The following SPATA6L variants were observed in gnomAD, a reference collection of about 807,000 sequenced individuals.
SPATA6L encodes the protein spermatogenesis associated 6 like.
SPATA6L carries 68 observed loss-of-function variants against 49.2 expected under a neutral mutation model. The observed-to-expected ratio is 1.38, with a 90% confidence interval of 1.14 to 1.69. The LOEUF is 1.69. Among genes scored for constraint, SPATA6L ranks in the 40% most tolerant of loss-of-function variants. The pLI is 0.00. For synonymous variants in SPATA6L, 198 were observed against 165.7 expected, an observed-to-expected ratio of 1.19 and a Z score of -1.50; for missense variants, 668 against 464.3, an observed-to-expected ratio of 1.44 and a Z score of -4.03.
chr9:4,607,655 G>A (rs1825634110), intron 9 of SPATA6L, among the ~76,000 whole-genome samples: 1 of 152,002 alleles, frequency 6.6e-6, no homozygotes, highest in Non-Finnish European at 1.5e-5. Flanking sequence ...CGCTAAACAT[G>A]GAAAGGAACA....
At chr9:4,650,820 C>G (rs1332233832) in intron 3 of SPATA6L, among the ~76,000 whole-genome samples, 1 of 147,346 alleles carries the variant, frequency 6.8e-6, no homozygotes, top group South Asian at 2.2e-4. Context: ...CCACCAAACC[C>G]AGCTTGTGTG....
At position 4,662,264 on chromosome 9, in the gene SPATA6L, C is replaced by T. The variant is rs900661133; in HGVS notation, c.40-228G>A. 2.1e-6 allele frequency: 3 copies of T among 1,433,892 alleles called. No individual in the cohort carries two copies. The highest frequency in any genetic ancestry group is 5.0e-5 in the East Asian group (2 of 39,772). The allele number at this position is 1,433,892 out of a possible 1,614,324, so 88.8% of individuals were successfully genotyped here. A position where few individuals can be genotyped will look rare whatever the true frequency, so the allele number is the denominator to read the frequency against. The stretch of plus-strand genomic sequence containing the variant: ...CCAGGTGTCACAATCGCGCTCTCGC[C>T]GGCTCCTCTCCCCGCCCCTCCGGGA... On this transcript the variant is annotated intron_variant, in intron 1 of 11. Transcript: ENST00000682582. The surrounding 1 kb of genome is among the most constrained non-coding windows in gnomAD (Gnocchi z 4.9).
In SPATA6L at chr9:4,600,400, G is replaced by C. The variant is rs932501242; in HGVS notation, c.*411C>G. The C allele has an allele frequency of 1.0e-4, 16 of 152,476 alleles. No individual in the cohort carries two copies. Among genetic ancestry groups the C allele is most frequent in the African/African-American group, 3.6e-4 (15 of 41,376 alleles). 9.4% of individuals were successfully genotyped at this position (152,476 alleles called of 1,614,324 possible). ...AAAGTCAGGTTGATAGTCTTTCCTG[G>C]AGGATTTATCAGGTTATTCCTGTGA... is the stretch of plus-strand genomic sequence containing the variant. On this transcript the variant is annotated 3_prime_UTR_variant, in exon 12 of 12. Coordinates refer to ENST00000682582, the MANE Select transcript of SPATA6L (RefSeq NM_001353486.2).
intron 6 of SPATA6L, 103 bp from the exon 7 acceptor site, chr9:4,622,613 G>C (rs2130419618): frequency 1.3e-6 from 1 of 786,540 alleles, no homozygotes; most frequent in East Asian, 2.6e-5. Context: ...TGATTACACG[G>C]GTTGGAAAAA....
downstream of SPATA6L, among the ~76,000 whole-genome samples, chr9:4,597,793 G>C (rs991549702): frequency 2.0e-5 from 3 of 152,140 alleles, no homozygotes; most frequent in Admixed American, 2.0e-4. Context: ...CCTAACCAGA[G>C]AAAGACAGCA....
intron 13 of SPATA6L, among the ~76,000 whole-genome samples, chr9:4,592,070 T>G (rs1821935630): frequency 6.6e-6 from 1 of 152,126 alleles, no homozygotes; most frequent in Non-Finnish European, 1.5e-5. Context: ...ATCCCAGCAC[T>G]TTGGGAGGCC....
At chr9:4,629,769 G>GTGTGTGTGTGTATATATATATATATA (rs1311805859) in intron 4 of SPATA6L, among the ~76,000 whole-genome samples, 13 of 101,936 alleles carry the variant, frequency 1.3e-4, no homozygotes, top group South Asian at 3.3e-4. Flanking sequence ...GTGTGTGTGT[G>GTGTGTGTGTGTATATATATATATATA]TATATATATA....
intron 4 of SPATA6L, among the ~76,000 whole-genome samples, chr9:4,632,865 T>G (rs192501379): frequency 1.2e-4 from 19 of 152,218 alleles, no homozygotes; most frequent in African/African-American, 4.6e-4. Flanking sequence ...AATCAGGACA[T>G]AACTAATATT....
Position 4,625,445 on chromosome 9 carries a change from G to T in SPATA6L, c.551C>A (p.Ala184Asp). 2 of 1,614,124 alleles carry T rather than the reference G, an allele frequency of 1.2e-6. No individual in the cohort carries two copies. Among genetic ancestry groups the T allele is most frequent in the Non-Finnish European group, 1.7e-6 (2 of 1,179,988 alleles). The change falls in exon 6 of 12, where the codon GCC (alanine) becomes GAC (aspartate). Residue 184 changes from alanine to aspartate, a missense_variant. Ala to Asp is a moderately radical substitution (Grantham distance 126). Coordinates refer to ENST00000682582, the MANE Select transcript of SPATA6L (RefSeq NM_001353486.2). ...NLNRLPKGMQ[A>D]RAPSQYSTRH... ...GGTAGAATATTGAGAGGGCGCCCGGGCTTGCATGCCTTTGGGCAGTCTGTT... is the reference window on the plus strand; with the variant it reads ...GGTAGAATATTGAGAGGGCGCCCGGTCTTGCATGCCTTTGGGCAGTCTGTT...
At chr9:4,661,433 T>G (rs1472702284) in intron 2 of SPATA6L, among the ~76,000 whole-genome samples, 2 of 151,564 alleles carry the variant, frequency 1.3e-5, no homozygotes, top group Admixed American at 6.6e-5. Context: ...AATCTAGGTA[T>G]GATCTGAGGA....
Position 4,617,937 on chromosome 9 carries a change from G to A in SPATA6L, c.981C>T (p.Pro327=). The change falls in exon 9 of 12, where the codon CCC becomes CCT. Residue 327 remains proline (P), a synonymous_variant. Transcript: ENST00000682582. ...HSTSPGPLDQ[P]LLRERFHPGS... ...TTGCCACTGACCTTTCTCTGAGAAG[G>A]GGCTGATCCAAGGGGCCAGGAGAGG... The A allele has an allele frequency of 6.2e-7, 1 of 1,612,476 alleles. No individual in the cohort carries two copies. Among genetic ancestry groups the A allele is most frequent in the East Asian group, 2.2e-5 (1 of 44,824 alleles).
At chr9:4,661,750 C>CCGACTGCGGTTTTGCTTCAAGGT (rs145569269) in intron 2 of SPATA6L, 149 bp downstream of exon 2, 2 of 940,084 alleles carry the variant, frequency 2.1e-6, no homozygotes, top group Non-Finnish European at 2.9e-6. Flanking sequence ...AGCAAGTGTT[C>CCGACTGCGGTTTTGCTTCAAGGT]CGACTGCGGT....
chr9:4,618,268 A>C (rs755289348), intron 8 of SPATA6L, among the ~76,000 whole-genome samples, 158 bp from the exon 9 acceptor site: 7 of 152,034 alleles, frequency 4.6e-5, no homozygotes, highest in Non-Finnish European at 7.4e-5. Context: ...GGAGAAGAGA[A>C]GACTAGTGAC....
chr9:4,613,180 A>G (rs1827171176), intron 9 of SPATA6L, among the ~76,000 whole-genome samples: 1 of 151,772 alleles, frequency 6.6e-6, no homozygotes, highest in African/African-American at 2.4e-5. Flanking sequence ...GTGAGCTGAG[A>G]TGGGGCCACT....
Position 4,656,103 on chromosome 9 carries a change from T to A in SPATA6L, c.178-14A>T. ...ACTTTCAAATACCTGCAGAGAAAAA[T>A]GGGGAAAATAAATTTTCAAAGTTGT... On this transcript the variant is annotated splice_polypyrimidine_tract_variant and intron_variant, in intron 2 of 11. Coordinates refer to ENST00000682582, the MANE Select transcript of SPATA6L (RefSeq NM_001353486.2). 1 of 1,609,206 alleles carries A rather than the reference T, an allele frequency of 6.2e-7. No homozygotes were observed.
chr9:4,613,214 C>T lies in SPATA6L; in HGVS notation c.995+4709G>A, dbSNP rs552911080. Reference sequence around the variant, plus strand: ...CTGTACTCCAGCCTGGGTAACATAGCAAGATTCTATCTCAAAAAAAAAAAA... The same window carrying T: ...CTGTACTCCAGCCTGGGTAACATAGTAAGATTCTATCTCAAAAAAAAAAAA... On this transcript the variant is annotated intron_variant, in intron 9 of 11. Coordinates refer to ENST00000682582, the MANE Select transcript of SPATA6L (RefSeq NM_001353486.2). Among the ~76,000 whole-genome samples, 394 of 148,292 alleles carry T rather than the reference C, an allele frequency of 2.7e-3. 3 individuals carry two copies. Among genetic ancestry groups the T allele is most frequent in the African/African-American group, 9.2e-3 (370 of 40,012 alleles).
At chr9:4,635,055 T>C (rs1832508194) in intron 4 of SPATA6L, among the ~76,000 whole-genome samples, 1 of 152,202 alleles carries the variant, frequency 6.6e-6, no homozygotes, top group African/African-American at 2.4e-5. Context: ...AATGTAAATA[T>C]GGCAATGATT....
intron 4 of SPATA6L, among the ~76,000 whole-genome samples, chr9:4,634,297 C>T (rs1230904320): frequency 1.3e-5 from 2 of 152,304 alleles, no homozygotes; most frequent in African/African-American, 2.4e-5. Context: ...GCAAGCTTCT[C>T]ACATGTACCA....
intron 2 of SPATA6L, among the ~76,000 whole-genome samples, chr9:4,660,483 T>C (rs1034325472): frequency 2.6e-5 from 4 of 152,202 alleles, no homozygotes; most frequent in African/African-American, 7.2e-5. Flanking sequence ...CACAATGAGA[T>C]ACCATCTCAC....
Sources: allele counts gnomAD v4.1 joint callset (sites outside exome capture counted in the v4.1 genomes callset), GRCh38; gene constraint gnomAD v4.1.1; non-coding constraint Gnocchi (gnomAD v3.1); transcripts MANE v1.5; gene names NCBI Gene and HGNC (gene_info 2026-07-23, HGNC 2026-07-21).